Variants in MICAL3 observed in about 807,000 individuals in gnomAD.
MICAL3 encodes [F-actin]-monooxygenase MICAL3.
MICAL3 carries 62 observed loss-of-function variants against 207.4 expected under a neutral mutation model. The ratio of observed to expected loss-of-function variants is 0.30; its 90% CI spans 0.24 to 0.37. MICAL3 has a LOEUF of 0.37. Ranked by LOEUF, MICAL3 falls within the 10% of genes least tolerant of loss-of-function variation. The pLI, the probability that MICAL3 is intolerant of heterozygous loss-of-function variation, is 1.00. For synonymous variants in MICAL3, 1,077 were observed against 1,069.3 expected (o/e 1.01, Z -0.14); for missense variants, 2,368 against 2,635.6 (o/e 0.90, Z 2.22).
chr22:17,912,829 C>A (rs1172157624), intron 1 of MICAL3, among the ~76,000 whole-genome samples: 1 of 152,110 alleles, frequency 6.6e-6, no homozygotes. Context: ...CTTTTTCTGG[C>A]CTAACTGCTC....
intron 22 of MICAL3, 108 bp from the exon 23 acceptor site, chr22:17,823,168 G>C: frequency 1.4e-6 from 1 of 736,222 alleles, no homozygotes; most frequent in Non-Finnish European, 2.3e-6. Flanking sequence ...TGCCATGCAG[G>C]CCCCAGGAGA....
At chr22:17,888,045 T>C (rs1048410761) in intron 13 of MICAL3, among the ~76,000 whole-genome samples, 3 of 152,210 alleles carry the variant, frequency 2.0e-5, no homozygotes, top group Admixed American at 6.5e-5. Context: ...AATGTTTCAT[T>C]AGTAACAACA....
At chr22:17,877,349 TAGGGAGGTTATGGAGGTTAGGGAGGTG>T (rs1569110278) in intron 16 of MICAL3, among the ~76,000 whole-genome samples, 16 of 94,266 alleles carry the variant, frequency 1.7e-4, no homozygotes, top group Non-Finnish European at 2.2e-4. Flanking sequence ...TTAGGGAGGT[TAGGGAGGTTATGGAGGTTAGGGAGGTG>T]AGGGAGGTTA....
intron 1 of MICAL3, among the ~76,000 whole-genome samples, chr22:17,925,776 T>C (rs1569135127): frequency 6.6e-6 from 1 of 152,180 alleles, no homozygotes; most frequent in Non-Finnish European, 1.5e-5. Context: ...GGAAGGGTAC[T>C]ACTGCACAAA....
Position 17,818,015 on chromosome 22 carries a change from C to T in MICAL3, c.4646G>A (p.Cys1549Tyr), listed in dbSNP as rs375456544. ...GCGAGGCTTCTCGGGGCGCGGCCAGCAGGACGGGGGCGTGAAGAATTTCTC... is the reference window on the plus strand; with the variant it reads ...GCGAGGCTTCTCGGGGCGCGGCCAGTAGGACGGGGGCGTGAAGAATTTCTC... ...LQEKFFTPPS[C>Y]WPRPEKPRHP... is the part of the protein sequence containing the mutation. The change falls in exon 26 of 32, where the codon TGC (cysteine) becomes TAC (tyrosine). Residue 1549 changes from cysteine (C) to tyrosine (Y), a missense_variant. Around this residue, in one of 4 missense-constraint regions of MICAL3, gnomAD observed 1,770 missense variants for 1,863.2 expected, o/e 0.95. Transcript: ENST00000441493. The T allele has an allele frequency of 3.1e-6, 5 of 1,612,236 alleles. No homozygotes were observed. The African/African-American group carries it at 6.7e-5, about 22-fold the overall frequency.
chr22:17,864,123 T>C (rs1025568561), intron 19 of MICAL3: 1 of 986,666 alleles, frequency 1.0e-6, no homozygotes, highest in Non-Finnish European at 1.2e-6. Context: ...TTAAGGAAAA[T>C]CTACATAATT....
In MICAL3 at chr22:17,790,742, T is replaced by C. The variant is rs950756799; in HGVS notation, c.5999A>G (p.Asn2000Ser). 4 of 1,601,360 alleles carry C rather than the reference T, an allele frequency of 2.5e-6. No individual in the cohort carries two copies. In the African/African-American group the frequency reaches 5.4e-5, roughly 21 times the overall value. The change falls in exon 32 of 32, where the codon AAC (asparagine) becomes AGC (serine). Residue 2000 changes from asparagine to serine, a missense_variant. Physicochemically the swap from Asn to Ser is conservative, Grantham distance 46. Coordinates refer to ENST00000441493, the MANE Select transcript of MICAL3 (RefSeq NM_015241.3). ...GCGTTGGGTGGGAGCTCAGGACCAG[T>C]TAAGGCTGAAGCCCTTGGACAGCAT... Reference protein sequence around the residue: ...AAMLSKGFSLNWS With the variant: ...AAMLSKGFSLSWS
In MICAL3 at chr22:17,790,875, T is replaced by C. The variant is rs183092756; in HGVS notation, c.5866A>G (p.Ile1956Val). The change falls in exon 32 of 32, where the codon ATT becomes GTT. Residue 1956 changes from isoleucine (I) to valine (V), a missense_variant. By Grantham distance (29) the Ile-to-Val change is conservative. Coordinates refer to ENST00000441493, the MANE Select transcript of MICAL3 (RefSeq NM_015241.3). Reference sequence around the variant, plus strand: ...ACCACCTCCAGCATCTCATTGAGAATCTGCTTCTCTTCTGACAGCTCCTCC... The same window carrying C: ...ACCACCTCCAGCATCTCATTGAGAACCTGCTTCTCTTCTGACAGCTCCTCC... ...TEEELSEEKQILNEMLEVVEQ... is the reference protein window; with the variant it reads ...TEEELSEEKQVLNEMLEVVEQ... 76 of 1,613,884 alleles carry C rather than the reference T, an allele frequency of 4.7e-5. No individual in the cohort carries two copies. In the Admixed American group the frequency reaches 1.2e-3, roughly 27 times the overall value.
chr22:17,926,902 A>G (rs1932950536), intron 1 of MICAL3, among the ~76,000 whole-genome samples: 1 of 152,126 alleles, frequency 6.6e-6, no homozygotes, highest in Non-Finnish European at 1.5e-5. Flanking sequence ...CTTCAAGGTA[A>G]TTTTGGTTTA....
intron 1 of MICAL3, among the ~76,000 whole-genome samples, chr22:18,011,898 T>A (rs113476213): frequency 4.1e-5 from 6 of 145,974 alleles, no homozygotes; most frequent in Admixed American, 2.7e-4. Flanking sequence ...TCTCAAAAAA[T>A]AATAATAATA....
In MICAL3 at chr22:17,884,341, C is replaced by T. The variant is rs1426051774; in HGVS notation, c.2241+1537G>A. On this transcript the variant is annotated intron_variant, in intron 16 of 31. Coordinates refer to ENST00000441493, the MANE Select transcript of MICAL3 (RefSeq NM_015241.3). ...GCAGGCAGCAGGACGGCTGGCTGGCCCCACGCTCTTGTGTCAGCTGGGACA... is the reference window on the plus strand; with the variant it reads ...GCAGGCAGCAGGACGGCTGGCTGGCTCCACGCTCTTGTGTCAGCTGGGACA... 12 of 1,592,252 alleles carry T rather than the reference C, an allele frequency of 7.5e-6. No individual in the cohort carries two copies. The Admixed American group carries it at 2.1e-4, about 28-fold the overall frequency.
At chr22:17,863,199 T>C in intron 19 of MICAL3, 1 of 985,450 alleles carries the variant, frequency 1.0e-6, no homozygotes, top group Non-Finnish European at 1.2e-6. Context: ...CCTGGCGTCA[T>C]TCAGGAATAA....
intron 1 of MICAL3, among the ~76,000 whole-genome samples, chr22:17,986,731 A>G (rs958575014): frequency 6.6e-6 from 1 of 152,180 alleles, no homozygotes; most frequent in Non-Finnish European, 1.5e-5. Context: ...TTCCCCTTGA[A>G]CTATGCAGGC....
chr22:17,812,809 T>C (rs399757), intron 27 of MICAL3: 79,708 of 151,992 alleles, frequency 0.52, 24,453 homozygotes, highest in African/African-American at 0.87. Context: ...CACTCTTTTA[T>C]TGGGAAGAAA....
At position 17,796,451 on chromosome 22, in the gene MICAL3, C is replaced by T. The variant is rs541639467; in HGVS notation, c.5651-5150G>A. Among the ~76,000 whole-genome samples, 379 of 152,380 alleles carry T rather than the reference C, an allele frequency of 2.5e-3. 2 individuals carry two copies. Among genetic ancestry groups the T allele is most frequent in the African/African-American group, 8.7e-3 (363 of 41,594 alleles). On this transcript the variant is annotated intron_variant, in intron 29 of 31. Transcript: ENST00000441493. The surrounding 1 kb of genome is among the most constrained non-coding windows in gnomAD (Gnocchi z 4.4). ...TGCACCACCCACGTGATCCTCACAC[C>T]GGCCAGGTGTGGCTGCCAGGATGGG... is the stretch of plus-strand genomic sequence containing the variant.
chr22:17,812,063 TA>T (rs2062054345), intron 27 of MICAL3, among the ~76,000 whole-genome samples: 1 of 152,208 alleles, frequency 6.6e-6, no homozygotes, highest in Non-Finnish European at 1.5e-5. Flanking sequence ...AGAAAACTTT[TA>T]TAGACTTCAA....
intron 21 of MICAL3, among the ~76,000 whole-genome samples, chr22:17,828,212 G>A (rs2146035101): frequency 6.6e-6 from 1 of 152,322 alleles, no homozygotes; most frequent in East Asian, 1.9e-4. Context: ...GAGACCCCAG[G>A]ATGCACTATC....
At chr22:17,951,293 C>G (rs1030140683) in intron 1 of MICAL3, among the ~76,000 whole-genome samples, 4 of 152,166 alleles carry the variant, frequency 2.6e-5, no homozygotes, top group Admixed American at 2.6e-4. Context: ...GTCCGTCATT[C>G]AGTGAGCCAC....
chr22:17,931,166 A>G (rs968884489), intron 1 of MICAL3, among the ~76,000 whole-genome samples: 2 of 152,192 alleles, frequency 1.3e-5, no homozygotes, highest in African/African-American at 4.8e-5. Context: ...AATTCTTGCA[A>G]TAAGTCCCTT....
Sources: allele counts gnomAD v4.1 joint callset (sites outside exome capture counted in the v4.1 genomes callset), GRCh38; gene constraint gnomAD v4.1.1; regional missense constraint gnomAD v4.1.1; non-coding constraint Gnocchi (gnomAD v3.1); transcripts MANE v1.5; gene names NCBI Gene and HGNC (gene_info 2026-07-23, HGNC 2026-07-21).